Variants in L3MBTL4 observed in about 807,000 individuals in gnomAD.
L3MBTL4 encodes the protein lethal(3)malignant brain tumor-like protein 4.
In L3MBTL4, 70 loss-of-function variants were observed where a neutral mutation model predicts 84.5. That is an observed-to-expected ratio of 0.83 (90% CI 0.68 to 1.01). The LOEUF (loss-of-function observed/expected upper bound fraction) is 1.01. Ranked by LOEUF, L3MBTL4 falls within the 50% of genes least tolerant of loss-of-function variation. The probability of loss-of-function intolerance (pLI) is 0.00; values close to 1 mark genes in which losing one functional copy is unlikely to be tolerated. For synonymous variants in L3MBTL4, 274 were observed against 259.8 expected (o/e 1.05, Z -0.52); for missense variants, 715 against 754.8 (o/e 0.95, Z 0.62).
At chr18:6,183,572 C>G (rs1402131742) in intron 12 of L3MBTL4, among the ~76,000 whole-genome samples, 4 of 152,194 alleles carry the variant, frequency 2.6e-5, no homozygotes, top group African/African-American at 7.2e-5. Context: ...AGCAAATCAT[C>G]ACAGTTTTTC....
Position 6,091,476 on chromosome 18 carries a change from A to G in L3MBTL4, c.1373+1879T>C, listed in dbSNP as rs150457593. On this transcript the variant is annotated intron_variant, in intron 15 of 18. Transcript: ENST00000317931. Reference sequence around the variant, plus strand: ...CCTGCCCCCACAGCTAATTACAGGCAACATAGGATTTGGCAGAACAGGACA... The same window carrying G: ...CCTGCCCCCACAGCTAATTACAGGCGACATAGGATTTGGCAGAACAGGACA... Among the ~76,000 whole-genome samples, 452 of 152,366 alleles carry G rather than the reference A, an allele frequency of 3.0e-3. 3 individuals carry two copies. The highest frequency in any genetic ancestry group is 0.011 in the African/African-American group (438 of 41,584).
chr18:6,397,472 C>T (rs192203181), intron 1 of L3MBTL4: 94 of 152,074 alleles, frequency 6.2e-4, no homozygotes, highest in African/African-American at 2.2e-3. Context: ...TATCACTGTC[C>T]GAAGAGCCCA....
intron 17 of L3MBTL4, among the ~76,000 whole-genome samples, chr18:5,963,815 C>A (rs1383473313): frequency 6.6e-6 from 1 of 152,260 alleles, no homozygotes; most frequent in East Asian, 1.9e-4. Context: ...GTTTCCCTCT[C>A]ATTCTCCCTT....
intron 12 of L3MBTL4, among the ~76,000 whole-genome samples, chr18:6,194,519 C>T (rs374039442): frequency 2.6e-5 from 4 of 152,264 alleles, no homozygotes; most frequent in South Asian, 4.1e-4. Flanking sequence ...TGGGAAGTGG[C>T]CCATTTAATT....
chr18:5,968,394 C>T (rs551793577), intron 17 of L3MBTL4, among the ~76,000 whole-genome samples: 26 of 152,276 alleles, frequency 1.7e-4, no homozygotes, highest in African/African-American at 5.5e-4. Flanking sequence ...CTTAACTGTT[C>T]CTTATTAATA....
At chr18:6,355,337 TA>T (rs921223507) in intron 1 of L3MBTL4, among the ~76,000 whole-genome samples, 5 of 152,144 alleles carry the variant, frequency 3.3e-5, no homozygotes, top group African/African-American at 9.6e-5. Context: ...AAAATTAAAA[TA>T]AAAAAATTTT....
At chr18:6,164,971 TGGA>T (rs888667724) in intron 13 of L3MBTL4, among the ~76,000 whole-genome samples, 2 of 151,978 alleles carry the variant, frequency 1.3e-5, no homozygotes, top group Admixed American at 6.6e-5. Context: ...ATAATCAACG[TGGA>T]GAAGTCCTTA....
rs1455678364 is a variant in L3MBTL4 at position 6,105,736 on chromosome 18, G to A, written c.1200-12208C>T. 2.0e-5 allele frequency among the ~76,000 whole-genome samples: 3 copies of A among 150,022 alleles called. No homozygotes were observed. In the East Asian group the frequency reaches 6.0e-4, roughly 30 times the overall value. ...AATCACTTGAACCTGGGAGGTGGAA[G>A]TTGCAGTGAGCTAATATAGTGCCAT... On this transcript the variant is annotated intron_variant, in intron 14 of 18. Transcript: ENST00000317931.
At chr18:6,084,454 C>G (rs745818282) in intron 15 of L3MBTL4, among the ~76,000 whole-genome samples, 3 of 152,086 alleles carry the variant, frequency 2.0e-5, no homozygotes, top group Non-Finnish European at 1.5e-5. Context: ...AAAAAACACA[C>G]GGAATGTGAT....
intron 1 of L3MBTL4, among the ~76,000 whole-genome samples, chr18:6,372,582 A>G (rs1304837626): frequency 6.6e-6 from 1 of 152,144 alleles, no homozygotes; most frequent in African/African-American, 2.4e-5. Flanking sequence ...CTCTTAAACT[A>G]TGAGTGGTGA....
chr18:6,241,543 G>A (rs1474308930), intron 7 of L3MBTL4, 94 bp from the exon 8 acceptor site: 1 of 673,624 alleles, frequency 1.5e-6, no homozygotes, highest in Non-Finnish European at 2.5e-6. Flanking sequence ...TGCGGTTTTG[G>A]CCATTACTTT....
Position 5,974,971 on chromosome 18 carries a change from G to GT in L3MBTL4, c.1445-5410dup, listed in dbSNP as rs750189384. Reference sequence around the variant, plus strand: ...AGAGAAACCCTGTCTCTATTGTTTTGTTTTTTTTTTTTAAAAAGAGGAAGA... The same window carrying GT: ...AGAGAAACCCTGTCTCTATTGTTTTGTTTTTTTTTTTTTAAAAAGAGGAAGA... On this transcript the variant is annotated intron_variant, in intron 16 of 18. Transcript: ENST00000317931. Among the ~76,000 whole-genome samples, 102 of 142,282 alleles carry GT rather than the reference G, an allele frequency of 7.2e-4. No homozygotes were observed. In the East Asian group the frequency reaches 0.012, roughly 17 times the overall value. 93.3% of individuals were successfully genotyped at this position (142,282 alleles called of 152,430 possible). A position where few individuals can be genotyped will look rare whatever the true frequency, so the allele number is the denominator to read the frequency against.
At chr18:6,221,694 G>T (rs1429940617) in intron 10 of L3MBTL4, among the ~76,000 whole-genome samples, 1 of 152,156 alleles carries the variant, frequency 6.6e-6, no homozygotes, top group Non-Finnish European at 1.5e-5. Context: ...GAATAATTAG[G>T]ATTATGTGAC....
intron 16 of L3MBTL4, chr18:6,030,682 A>C (rs1946500123): frequency 1.0e-6 from 1 of 963,468 alleles, no homozygotes; most frequent in Admixed American, 6.2e-5. Context: ...TCAAATAAAA[A>C]AATTTGTTTC....
chr18:6,252,187 C>T (rs924489676), intron 5 of L3MBTL4, among the ~76,000 whole-genome samples: 1 of 152,088 alleles, frequency 6.6e-6, no homozygotes, highest in Non-Finnish European at 1.5e-5. Context: ...GTGGTGGGCA[C>T]CTGTAATCCC....
chr18:6,122,071 T>A (rs778148055), intron 14 of L3MBTL4, among the ~76,000 whole-genome samples: 1 of 152,200 alleles, frequency 6.6e-6, no homozygotes, highest in Non-Finnish European at 1.5e-5. Context: ...GGGAAGACAC[T>A]ATCTGTCCAA....
intron 14 of L3MBTL4, among the ~76,000 whole-genome samples, chr18:6,105,183 ATTTTTTTT>A (rs869169400): frequency 2.0e-5 from 2 of 100,424 alleles, no homozygotes; most frequent in South Asian, 3.3e-4. Flanking sequence ...AACACCACCA[ATTTTTTTT>A]TTTTTTTTTT....
chr18:6,366,925 G>A (rs564424087), intron 1 of L3MBTL4, among the ~76,000 whole-genome samples: 1 of 152,372 alleles, frequency 6.6e-6, no homozygotes, highest in East Asian at 1.9e-4. Flanking sequence ...AGACTGTGGA[G>A]CAGATCTCTG....
intron 4 of L3MBTL4, among the ~76,000 whole-genome samples, chr18:6,292,204 C>T (rs1166606846): frequency 6.6e-6 from 1 of 152,154 alleles, no homozygotes; most frequent in Admixed American, 6.5e-5. Flanking sequence ...TACTCAATGG[C>T]TACGACAGGT....
Sources: gnomAD v4.1 joint callset for allele counts (sites outside exome capture counted in the v4.1 genomes callset) on GRCh38, gnomAD v4.1.1 for gene constraint, MANE v1.5 for transcripts, NCBI Gene and HGNC (gene_info 2026-07-23, HGNC 2026-07-21) for gene names.